ANKH: variants seen among roughly 807,000 people sequenced by gnomAD.
ANKH encodes the protein mineralization regulator ANKH.
A neutral mutation model predicts 49.0 loss-of-function variants in ANKH; 15 were observed. The observed-to-expected ratio is 0.31, with a 90% CI of 0.20 to 0.47. The LOEUF (loss-of-function observed/expected upper bound fraction) is 0.47. Among genes scored for constraint, ANKH ranks in the 20% least tolerant of loss-of-function variants. The pLI, the probability that ANKH is intolerant of heterozygous loss-of-function variation, is 1.00. For missense variants in ANKH, 429 were observed against 652.0 expected, an observed-to-expected ratio of 0.66 and a Z score of 3.72; for synonymous variants, 273 against 260.0, an observed-to-expected ratio of 1.05 and a Z score of -0.48.
intron 1 of ANKH, among the ~76,000 whole-genome samples, chr5:14,793,047 T>TATATAAA: frequency 1.5e-5 from 1 of 64,744 alleles, no homozygotes; most frequent in South Asian, 5.0e-4. Flanking sequence ...AATATATATA[T>TATATAAA]AAATATATAT....
At chr5:14,810,916 A>G (rs1740861605) in intron 1 of ANKH, among the ~76,000 whole-genome samples, 1 of 152,208 alleles carries the variant, frequency 6.6e-6, no homozygotes, top group Admixed American at 6.5e-5. Context: ...ATAAAATTCC[A>G]GATTCAATGC....
At chr5:14,805,815 CCAGTCTCA>C (rs1740695272) in intron 1 of ANKH, among the ~76,000 whole-genome samples, 3 of 152,048 alleles carry the variant, frequency 2.0e-5, no homozygotes, top group African/African-American at 7.2e-5. Flanking sequence ...GAGGGTATGA[CCAGTCTCA>C]CACTGGAGAG....
At chr5:14,724,941 G>A (rs1737779976) in intron 8 of ANKH, among the ~76,000 whole-genome samples, 1 of 152,206 alleles carries the variant, frequency 6.6e-6, no homozygotes, top group South Asian at 2.1e-4. Context: ...AGCAGTACAT[G>A]AGACTCTTAT....
chr5:14,871,710 AGG>A lies in ANKH; in HGVS notation c.-265_-264del. 1 of 160,200 alleles carries A rather than the reference AGG, an allele frequency of 6.2e-6. No homozygotes were observed. The highest frequency in any genetic ancestry group is 1.3e-5 in the Non-Finnish European group (1 of 76,158). The allele number at this position is 160,200 out of a possible 1,614,324, so 9.9% of individuals were successfully genotyped here. On this transcript the variant is annotated 5_prime_UTR_variant, in exon 1 of 12. An upstream open reading frame in the 5' UTR loses its in-frame stop. Transcript: ENST00000284268. Reference sequence around the variant, plus strand: ...ACAAAGATCTGCCGGGAAAAAAAAGAGGAGGGACGGCGGCGGCGGCGGCGGCG... The same window carrying A: ...ACAAAGATCTGCCGGGAAAAAAAAGAAGGGACGGCGGCGGCGGCGGCGGCG...
chr5:14,706,519 T>C lies in ANKH; in HGVS notation c.*4678A>G, dbSNP rs1736951096. The C allele has an allele frequency of 6.6e-6, 1 of 152,218 alleles. No homozygotes were observed. Among genetic ancestry groups the C allele is most frequent in the African/African-American group, 2.4e-5 (1 of 41,454 alleles). 9.4% of individuals were successfully genotyped at this position (152,218 alleles called of 1,614,324 possible). On this transcript the variant is annotated 3_prime_UTR_variant, in exon 12 of 12. Coordinates refer to ENST00000284268, the MANE Select transcript of ANKH (RefSeq NM_054027.6). ...AATAAAGTCTAAACTTAAGGTCTTA[T>C]CATCTCGTTTTTCCCTTTTGAGATC...
intron 1 of ANKH, among the ~76,000 whole-genome samples, chr5:14,822,534 A>C (rs1000524876): frequency 2.6e-5 from 4 of 152,200 alleles, no homozygotes; most frequent in African/African-American, 9.6e-5. Context: ...ATAAGGATTC[A>C]ATTCTGTTAT....
intron 1 of ANKH, chr5:14,798,206 T>C (rs1221704310): frequency 1.3e-6 from 2 of 1,592,386 alleles, no homozygotes; most frequent in Non-Finnish European, 1.7e-6. Context: ...CCAGGACAAG[T>C]CGATGAAGGC....
intron 1 of ANKH, among the ~76,000 whole-genome samples, chr5:14,774,657 C>T (rs1041852465): frequency 6.6e-6 from 1 of 152,128 alleles, no homozygotes; most frequent in African/African-American, 2.4e-5. Flanking sequence ...TTATCTGTCT[C>T]TGTTTGCTCA....
intron 1 of ANKH, chr5:14,797,082 G>T (rs574016268): frequency 1.5e-6 from 2 of 1,345,148 alleles, no homozygotes; most frequent in South Asian, 2.4e-5. Flanking sequence ...GGGTTGAGAA[G>T]AAAAAAGGGG....
At chr5:14,732,930 G>T (rs145445847) in intron 8 of ANKH, among the ~76,000 whole-genome samples, 5 of 152,112 alleles carry the variant, frequency 3.3e-5, no homozygotes, top group African/African-American at 1.2e-4. Context: ...CACATACAGG[G>T]CAGTTAGATG....
intron 4 of ANKH, 61 bp downstream of exon 4, chr5:14,755,800 C>T: frequency 6.8e-7 from 1 of 1,466,648 alleles, no homozygotes; most frequent in Non-Finnish European, 9.6e-7. Flanking sequence ...AATCACACAT[C>T]AGTTACACAC....
At chr5:14,839,937 C>T (rs1741769864) in intron 1 of ANKH, among the ~76,000 whole-genome samples, 1 of 152,162 alleles carries the variant, frequency 6.6e-6, no homozygotes, top group South Asian at 2.1e-4. Flanking sequence ...TAGAAAATTA[C>T]CAATGTCTGA....
intron 1 of ANKH, among the ~76,000 whole-genome samples, chr5:14,808,964 G>A (rs1740787232): frequency 1.1e-5 from 1 of 91,656 alleles, no homozygotes; most frequent in Non-Finnish European, 2.1e-5. Context: ...ACTGGATTAA[G>A]AAAATGTGGC....
rs541648060 is a variant in ANKH at position 14,810,756 on chromosome 5, C to A, written c.97-41565G>T. Among the ~76,000 whole-genome samples the A allele has an allele frequency of 1.9e-3, 294 of 152,266 alleles. 3 individuals carry two copies. The highest frequency in any genetic ancestry group is 6.8e-3 in the African/African-American group (283 of 41,546). Reference sequence around the variant, plus strand: ...CTCATCTTGCTTCCCTCAGGATGAACTTTCTGTTTCTATGTTTAAAAGTCT... The same window carrying A: ...CTCATCTTGCTTCCCTCAGGATGAAATTTCTGTTTCTATGTTTAAAAGTCT... On this transcript the variant is annotated intron_variant, in intron 1 of 11. Transcript: ENST00000284268.
At chr5:14,759,185 G>A (rs1043508210) in intron 2 of ANKH, among the ~76,000 whole-genome samples, 2 of 152,152 alleles carry the variant, frequency 1.3e-5, no homozygotes, top group Non-Finnish European at 2.9e-5. Flanking sequence ...GGAAGAGGGT[G>A]GCAACTTAGG....
At chr5:14,775,302 G>T (rs559457031) in intron 1 of ANKH, among the ~76,000 whole-genome samples, 57 of 151,874 alleles carry the variant, frequency 3.8e-4, no homozygotes, top group Non-Finnish European at 7.1e-4. Context: ...TGAACTCCCG[G>T]GCTCAAGTGA....
In ANKH at chr5:14,816,256, G is replaced by A. The variant is rs543148381; in HGVS notation, c.97-47065C>T. ...AGGACACCTGAGCATCACCTTCAGCGAGTGACCTCTGCAGGACTCAGTATC... is the reference window on the plus strand; with the variant it reads ...AGGACACCTGAGCATCACCTTCAGCAAGTGACCTCTGCAGGACTCAGTATC... On this transcript the variant is annotated intron_variant, in intron 1 of 11. Coordinates refer to ENST00000284268, the MANE Select transcript of ANKH (RefSeq NM_054027.6). Among the ~76,000 whole-genome samples, 44 of 152,324 alleles carry A rather than the reference G, an allele frequency of 2.9e-4. 1 individual carries two copies. Among genetic ancestry groups the A allele is most frequent in the Non-Finnish European group, 5.7e-4 (39 of 68,022 alleles).
In ANKH at chr5:14,710,571, T is replaced by G. The variant is rs1388109496; in HGVS notation, c.*626A>C. On this transcript the variant is annotated 3_prime_UTR_variant, in exon 12 of 12. Transcript: ENST00000284268. ...ACCTTTCTACGGGAGATTCTGTCCA[T>G]CTGTCAGCCTGCTGTGGTCACAGGT... is the stretch of plus-strand genomic sequence containing the variant. 3 of 156,416 alleles carry G rather than the reference T, an allele frequency of 1.9e-5. No homozygotes were observed. Among genetic ancestry groups the G allele is most frequent in the East Asian group, 1.9e-4 (1 of 5,302 alleles). The allele number at this position is 156,416 out of a possible 1,614,324, so 9.7% of individuals were successfully genotyped here.
intron 1 of ANKH, chr5:14,798,386 T>C (rs1384746189): frequency 1.9e-6 from 3 of 1,575,968 alleles, no homozygotes; most frequent in African/African-American, 1.4e-5. Context: ...CAAAGGCTGC[T>C]TCCTTGTCGG....
Sources: allele counts gnomAD v4.1 joint callset (sites outside exome capture counted in the v4.1 genomes callset), GRCh38; gene constraint gnomAD v4.1.1; transcripts MANE v1.5; gene names NCBI Gene and HGNC (gene_info 2026-07-23, HGNC 2026-07-21).